MYOCD: variants seen among roughly 807,000 people sequenced by gnomAD.
The protein encoded by MYOCD is myocardin.
In MYOCD, 32 loss-of-function variants were observed where a neutral mutation model predicts 96.1. That is an observed-to-expected ratio of 0.33 (90% CI 0.25 to 0.45). MYOCD has a LOEUF of 0.45. MYOCD is among the 20% of genes least tolerant of loss of function. The pLI, the probability that MYOCD is intolerant of heterozygous loss-of-function variation, is 1.00. For missense variants in MYOCD, 1,133 were observed against 1,200.6 expected (o/e 0.94, Z 0.83); for synonymous variants, 469 against 469.0 (o/e 1.00, Z 0.00).
chr17:12,682,463 G>A (rs1910529643), intron 1 of MYOCD, among the ~76,000 whole-genome samples: 1 of 152,332 alleles, frequency 6.6e-6, no homozygotes, highest in Non-Finnish European at 1.5e-5. Flanking sequence ...AGGCAATAAT[G>A]TCAAGGTCAA....
chr17:12,768,408 T>C lies in MYOCD; in HGVS notation c.*4764T>C, dbSNP rs889698357. The C allele has an allele frequency of 5.3e-5, 8 of 152,236 alleles. No individual in the cohort carries two copies. Among genetic ancestry groups the C allele is most frequent in the African/African-American group, 1.9e-4 (8 of 41,452 alleles). The allele number at this position is 152,236 out of a possible 1,614,324, so 9.4% of individuals were successfully genotyped here. On this transcript the variant is annotated 3_prime_UTR_variant, in exon 14 of 14. Coordinates refer to ENST00000425538, the MANE Select transcript of MYOCD (RefSeq NM_001146312.3). ...CAATAACATGTGAGTAAGTTCCCTT[T>C]TGATTCTGGGAATCAGCGATTTTCC...
intron 2 of MYOCD, among the ~76,000 whole-genome samples, chr17:12,706,369 C>G (rs963919532): frequency 1.3e-5 from 2 of 152,186 alleles, no homozygotes; most frequent in African/African-American, 4.8e-5. Context: ...CTTAGCCTTT[C>G]TTTGGAGGTG....
chr17:12,707,668 C>G (rs552256959), intron 2 of MYOCD, among the ~76,000 whole-genome samples: 1 of 151,906 alleles, frequency 6.6e-6, no homozygotes, highest in Non-Finnish European at 1.5e-5. Flanking sequence ...GAGCAGAGAT[C>G]GCGCCACTGC....
At chr17:12,666,455 T>C (rs116298268) in intron 1 of MYOCD, among the ~76,000 whole-genome samples, 1,791 of 152,300 alleles carry the variant, frequency 0.012, 41 homozygotes, top group African/African-American at 0.04. Flanking sequence ...AGTGTGGTTG[T>C]TCATCTGTGA....
At chr17:12,697,368 T>A (rs1299542742) in intron 1 of MYOCD, among the ~76,000 whole-genome samples, 55 of 127,082 alleles carry the variant, frequency 4.3e-4, no homozygotes, top group South Asian at 1.0e-3. Context: ...TATTTTTTTT[T>A]TTTTTTTTTT....
Position 12,729,572 on chromosome 17 carries a change from G to C in MYOCD, c.415+6564G>C, listed in dbSNP as rs117863323. Among the ~76,000 whole-genome samples the C allele has an allele frequency of 2.7e-3, 414 of 152,104 alleles. 2 individuals are homozygous for C. Among genetic ancestry groups the C allele is most frequent in the Middle Eastern group, 6.8e-3 (2 of 294 alleles). ...CCTGTCAAAGAGAAAAGGGAGACAG[G>C]ATAAAGCACTTTTTTTTTTTTGAGA... On this transcript the variant is annotated intron_variant, in intron 5 of 13. Coordinates refer to ENST00000425538, the MANE Select transcript of MYOCD (RefSeq NM_001146312.3).
In MYOCD at chr17:12,745,514, AC is replaced by A. The variant is rs538423931; in HGVS notation, c.972-402del. Among the ~76,000 whole-genome samples, 190 of 152,152 alleles carry A rather than the reference AC, an allele frequency of 1.2e-3. 1 individual carries two copies. Among genetic ancestry groups the A allele is most frequent in the Middle Eastern group, 3.4e-3 (1 of 294 alleles). The stretch of plus-strand genomic sequence containing the variant: ...ATGAGCCACCGTGCCTGGCCAGGTC[AC>A]CCTTTAAATTGTCAATATCCCCACA... On this transcript the variant is annotated intron_variant, in intron 8 of 13. Coordinates refer to ENST00000425538, the MANE Select transcript of MYOCD (RefSeq NM_001146312.3).
At chr17:12,697,360 T>TATATATATATATA (rs1491327089) in intron 1 of MYOCD, among the ~76,000 whole-genome samples, 14 of 39,192 alleles carry the variant, frequency 3.6e-4, no homozygotes, top group South Asian at 2.6e-3. Context: ...TATATATATA[T>TATATATATATATA]TTTTTTTTTT....
chr17:12,765,490 ATCTTAT>A lies in MYOCD; in HGVS notation c.*1850_*1855del. The stretch of plus-strand genomic sequence containing the variant: ...TGATTGCTACTCTGAAAGCTGCCAG[ATCTTAT>A]TCTGGGGGTGGGATGTGGAGGAATA... On this transcript the variant is annotated 3_prime_UTR_variant, in exon 14 of 14. Transcript: ENST00000425538. 6.6e-6 allele frequency: 1 copy of A among 152,174 alleles called. No individual in the cohort carries two copies. Among genetic ancestry groups the A allele is most frequent in the East Asian group, 1.9e-4 (1 of 5,198 alleles). 9.4% of individuals were successfully genotyped at this position (152,174 alleles called of 1,614,324 possible). A position where few individuals can be genotyped will look rare whatever the true frequency, so the allele number is the denominator to read the frequency against.
Position 12,763,711 on chromosome 17 carries a change from A to T in MYOCD, c.*67A>T, listed in dbSNP as rs924059242. 1.9e-5 allele frequency: 25 copies of T among 1,333,826 alleles called. No homozygotes were observed. In the African/African-American group the frequency reaches 3.7e-4, roughly 20 times the overall value. The allele number at this position is 1,333,826 out of a possible 1,614,324, so 82.6% of individuals were successfully genotyped here. On this transcript the variant is annotated 3_prime_UTR_variant, in exon 14 of 14. Transcript: ENST00000425538. ...CATGGGGGAAAGCACACAGCCATACATACTTTACTGTCCAAAAACAGAAGA... is the reference window on the plus strand; with the variant it reads ...CATGGGGGAAAGCACACAGCCATACTTACTTTACTGTCCAAAAACAGAAGA...
chr17:12,684,810 C>T (rs2030011868), intron 1 of MYOCD, among the ~76,000 whole-genome samples: 1 of 147,138 alleles, frequency 6.8e-6, no homozygotes, highest in African/African-American at 2.5e-5. Context: ...CACGCCACTG[C>T]ACTCCAGCTG....
intron 8 of MYOCD, 56 bp downstream of exon 8, chr17:12,744,492 A>G (rs952588395): frequency 6.5e-6 from 10 of 1,536,434 alleles, no homozygotes; most frequent in Non-Finnish European, 7.9e-6. Flanking sequence ...AAGGGTGTCT[A>G]TTAATATCTA....
intron 10 of MYOCD, among the ~76,000 whole-genome samples, chr17:12,754,208 G>A (rs1260862878): frequency 2.0e-5 from 3 of 152,052 alleles, no homozygotes. Context: ...GGGTTCAAGC[G>A]ATTTTTCTGC....
intron 9 of MYOCD, among the ~76,000 whole-genome samples, chr17:12,748,693 T>C (rs1175133783): frequency 1.3e-5 from 2 of 152,148 alleles, no homozygotes; most frequent in East Asian, 3.8e-4. Flanking sequence ...TATTTAATAA[T>C]GTAGTTAAAT....
chr17:12,730,433 C>T (rs374150057), intron 5 of MYOCD, among the ~76,000 whole-genome samples: 3 of 140,066 alleles, frequency 2.1e-5, no homozygotes, highest in Admixed American at 7.6e-5. Context: ...GGGCGATGAG[C>T]GAAACTCCAT....
At chr17:12,672,732 G>C (rs773825924) in intron 1 of MYOCD, among the ~76,000 whole-genome samples, 13 of 152,126 alleles carry the variant, frequency 8.5e-5, no homozygotes, top group African/African-American at 1.2e-4. Flanking sequence ...GCTGTATTCA[G>C]CTACTTTAGA....
chr17:12,688,529 C>CT (rs2030256719), intron 1 of MYOCD, among the ~76,000 whole-genome samples: 5 of 93,076 alleles, frequency 5.4e-5, no homozygotes, highest in African/African-American at 3.7e-4. Flanking sequence ...CTTCCATCTT[C>CT]TTCCTTCCTT....
chr17:12,705,788 G>A (rs1382660403), intron 2 of MYOCD: 1 of 152,134 alleles, frequency 6.6e-6, no homozygotes, highest in Non-Finnish European at 1.5e-5. Flanking sequence ...TAGAGAAAAG[G>A]GTACCCTGGA....
At chr17:12,688,858 G>C (rs1458938928) in intron 1 of MYOCD, among the ~76,000 whole-genome samples, 3 of 151,944 alleles carry the variant, frequency 2.0e-5, no homozygotes, top group Non-Finnish European at 1.5e-5. Flanking sequence ...GTTCTGCTAG[G>C]ACACTTGGCC....
Sources: gnomAD v4.1 joint callset for allele counts (sites outside exome capture counted in the v4.1 genomes callset) on GRCh38, gnomAD v4.1.1 for gene constraint, MANE v1.5 for transcripts, NCBI Gene and HGNC (gene_info 2026-07-23, HGNC 2026-07-21) for gene names.